CAMKMT: variants seen among roughly 807,000 people sequenced by gnomAD.
CAMKMT encodes calmodulin-lysine N-methyltransferase.
Under a neutral mutation model 48.0 loss-of-function variants are expected in CAMKMT, and 53 were observed. That is an observed-to-expected ratio of 1.10 (90% CI 0.89 to 1.39). CAMKMT has a LOEUF of 1.39. Among genes scored for constraint, CAMKMT ranks in the 40% most tolerant of loss-of-function variants. The pLI, the probability that CAMKMT is intolerant of heterozygous loss-of-function variation, is 0.00. For synonymous variants in CAMKMT, 165 were observed against 152.3 expected (o/e 1.08, Z -0.61); for missense variants, 428 against 402.7 (o/e 1.06, Z -0.54).
chr2:44,711,254 G>A (rs1168538801), intron 6 of CAMKMT, among the ~76,000 whole-genome samples: 1 of 152,048 alleles, frequency 6.6e-6, no homozygotes, highest in Non-Finnish European at 1.5e-5. Context: ...CAACAAATAT[G>A]TATTTTTTGG....
intron 3 of CAMKMT, among the ~76,000 whole-genome samples, chr2:44,446,775 T>G (rs1224626712): frequency 2.6e-5 from 4 of 152,256 alleles, no homozygotes; most frequent in African/African-American, 9.6e-5. Context: ...GGCATCTCAG[T>G]CCAGCATTGA....
At chr2:44,527,852 A>T (rs1211916885) in intron 3 of CAMKMT, among the ~76,000 whole-genome samples, 1 of 130,832 alleles carries the variant, frequency 7.6e-6, no homozygotes, top group Non-Finnish European at 1.6e-5. Flanking sequence ...ACCTACCTTG[A>T]CACATTATCA....
intron 3 of CAMKMT, among the ~76,000 whole-genome samples, chr2:44,448,966 TG>T (rs1302252084): frequency 6.6e-6 from 1 of 152,154 alleles, no homozygotes; most frequent in Non-Finnish European, 1.5e-5. Context: ...GATTAGTAGT[TG>T]CCTCGTGCAG....
intron 3 of CAMKMT, among the ~76,000 whole-genome samples, chr2:44,607,155 C>T (rs1371610254): frequency 2.0e-5 from 3 of 152,218 alleles, no homozygotes; most frequent in African/African-American, 4.8e-5. Flanking sequence ...CATGACAGGG[C>T]AGGCTCATCT....
chr2:44,689,094 C>G (rs2104211309), intron 3 of CAMKMT, among the ~76,000 whole-genome samples: 1 of 152,234 alleles, frequency 6.6e-6, no homozygotes. Flanking sequence ...GGAAGAAGCT[C>G]ACTTTTGCTA....
intron 9 of CAMKMT, among the ~76,000 whole-genome samples, chr2:44,755,679 C>A (rs370616259): frequency 6.6e-6 from 1 of 152,128 alleles, no homozygotes; most frequent in African/African-American, 2.4e-5. Context: ...TAGACCTAAA[C>A]GCAGATTAGA....
At chr2:44,564,830 A>G (rs541982779) in intron 3 of CAMKMT, among the ~76,000 whole-genome samples, 2 of 152,270 alleles carry the variant, frequency 1.3e-5, no homozygotes, top group East Asian at 3.9e-4. Flanking sequence ...GTGAGCTACC[A>G]CACCCGGCCC....
intron 3 of CAMKMT, among the ~76,000 whole-genome samples, chr2:44,504,911 C>A (rs1670182905): frequency 1.3e-5 from 2 of 152,116 alleles, no homozygotes; most frequent in South Asian, 4.1e-4. Flanking sequence ...AAGCATGGCA[C>A]CAGCATCTGC....
chr2:44,682,091 A>C (rs1676049285), intron 3 of CAMKMT, among the ~76,000 whole-genome samples: 1 of 152,234 alleles, frequency 6.6e-6, no homozygotes, highest in Non-Finnish European at 1.5e-5. Context: ...CTTAGAGTGT[A>C]AACCTGATTA....
At chr2:44,698,677 G>A (rs1223275717) in intron 3 of CAMKMT, among the ~76,000 whole-genome samples, 2 of 152,236 alleles carry the variant, frequency 1.3e-5, no homozygotes, top group African/African-American at 4.8e-5. Context: ...GGTTAGCAGG[G>A]TGATGGTTGC....
At chr2:44,382,098 C>T (rs1680308532) in intron 2 of CAMKMT, among the ~76,000 whole-genome samples, 1 of 151,988 alleles carries the variant, frequency 6.6e-6, no homozygotes, top group Non-Finnish European at 1.5e-5. Context: ...CCTGCCACTA[C>T]ACCTGGCTAA....
chr2:44,437,230 G>C (rs778434749), intron 3 of CAMKMT, among the ~76,000 whole-genome samples: 1 of 152,068 alleles, frequency 6.6e-6, no homozygotes, highest in African/African-American at 2.4e-5. Context: ...ATAACAATAG[G>C]TATCAGTTAT....
chr2:44,431,962 C>T (rs1033458103), intron 3 of CAMKMT, among the ~76,000 whole-genome samples: 3 of 152,168 alleles, frequency 2.0e-5, no homozygotes, highest in Non-Finnish European at 4.4e-5. Flanking sequence ...AAGCTTTGTT[C>T]AGCTCCTACC....
intron 7 of CAMKMT, among the ~76,000 whole-genome samples, chr2:44,740,656 G>T (rs954725568): frequency 8.5e-5 from 13 of 152,196 alleles, no homozygotes; most frequent in African/African-American, 2.9e-4. Context: ...CAGTGAGGAT[G>T]CTTGTGTGCT....
intron 3 of CAMKMT, among the ~76,000 whole-genome samples, chr2:44,476,328 A>G (rs1289355258): frequency 6.6e-6 from 1 of 152,184 alleles, no homozygotes; most frequent in African/African-American, 2.4e-5. Context: ...TGCAAATTCA[A>G]AAGATCCCAC....
intron 3 of CAMKMT, among the ~76,000 whole-genome samples, chr2:44,680,647 T>G (rs982083444): frequency 7.2e-5 from 11 of 152,132 alleles, no homozygotes; most frequent in African/African-American, 1.7e-4. Flanking sequence ...ATGATGCCAC[T>G]TAATTCCCTA....
chr2:44,756,628 G>A (rs1003557694), intron 9 of CAMKMT, among the ~76,000 whole-genome samples: 4 of 151,988 alleles, frequency 2.6e-5, no homozygotes, highest in African/African-American at 7.3e-5. Context: ...TGTAGTCCCA[G>A]CTACTCGGGA....
In CAMKMT at chr2:44,465,138, G is replaced by A. The variant is rs377130626; in HGVS notation, c.376+74833G>A. Among the ~76,000 whole-genome samples, 212 of 152,122 alleles carry A rather than the reference G, an allele frequency of 1.4e-3. 1 individual carries two copies. The South Asian group carries it at 0.024, about 17-fold the overall frequency. ...AATTTGTGACACTGGTAACATAGAG[G>A]GAAGAGATGTAAAGGAATGAAATAT... On this transcript the variant is annotated intron_variant, in intron 3 of 10. Coordinates refer to ENST00000378494, the MANE Select transcript of CAMKMT (RefSeq NM_024766.5).
intron 3 of CAMKMT, among the ~76,000 whole-genome samples, chr2:44,429,369 T>C (rs1218912466): frequency 3.3e-5 from 5 of 151,944 alleles, no homozygotes; most frequent in Non-Finnish European, 5.9e-5. Context: ...ATAATACATA[T>C]TATATTCCTA....
Sources: allele counts gnomAD v4.1 joint callset (sites outside exome capture counted in the v4.1 genomes callset), GRCh38; gene constraint gnomAD v4.1.1; transcripts MANE v1.5; gene names NCBI Gene and HGNC (gene_info 2026-07-23, HGNC 2026-07-21).